CDH4: variants seen among roughly 807,000 people sequenced by gnomAD.
The protein encoded by CDH4 is cadherin 4.
A neutral mutation model predicts 86.0 loss-of-function variants in CDH4; 33 were observed. The observed-to-expected ratio is 0.38, with a 90% CI of 0.29 to 0.51. The LOEUF (loss-of-function observed/expected upper bound fraction) is 0.51, where lower values mean the gene tolerates loss of function less well. CDH4 is among the 20% of genes least tolerant of loss of function. CDH4 has a pLI of 0.86. For synonymous variants in CDH4, 555 were observed against 549.4 expected, an observed-to-expected ratio of 1.01 and a Z score of -0.14; for missense variants, 1,114 against 1,307.4, an observed-to-expected ratio of 0.85 and a Z score of 2.28.
At chr20:61,456,935 G>A (rs572952015) in intron 2 of CDH4, among the ~76,000 whole-genome samples, 24 of 152,156 alleles carry the variant, frequency 1.6e-4, no homozygotes, top group Admixed American at 6.5e-4. Context: ...ATTCACAATG[G>A]GGTAATAAAT....
At chr20:61,314,630 G>A (rs1831847132) in intron 2 of CDH4, among the ~76,000 whole-genome samples, 1 of 152,204 alleles carries the variant, frequency 6.6e-6, no homozygotes, top group South Asian at 2.1e-4. Context: ...CCTCTGGATA[G>A]ATGCCCAGAG....
intron 2 of CDH4, among the ~76,000 whole-genome samples, chr20:61,407,005 CGGACCACCATCTGCTCTGCCT>C (rs1568832997): frequency 6.8e-6 from 1 of 147,980 alleles, no homozygotes; most frequent in Non-Finnish European, 1.5e-5. Flanking sequence ...CTGCTCTGCC[CGGACCACCATCTGCTCTGCCT>C]GGACCACCAT....
chr20:61,640,099 T>C (rs953377503), intron 2 of CDH4, among the ~76,000 whole-genome samples: 1 of 152,188 alleles, frequency 6.6e-6, no homozygotes, highest in Non-Finnish European at 1.5e-5. Context: ...CTTCTGATGG[T>C]TAGTGGTATA....
chr20:61,910,295 C>T (rs900769232), intron 8 of CDH4, 127 bp from the exon 9 acceptor site: 4 of 784,156 alleles, frequency 5.1e-6, no homozygotes, highest in Admixed American at 2.2e-5. Flanking sequence ...TGTGAACACT[C>T]GAGCTGGGCT....
intron 2 of CDH4, among the ~76,000 whole-genome samples, chr20:61,629,980 G>T (rs925166906): frequency 9.2e-5 from 14 of 152,188 alleles, no homozygotes; most frequent in Non-Finnish European, 2.1e-4. Flanking sequence ...TGACTGCCTT[G>T]TCCCAGCTTT....
At chr20:61,394,082 A>G (rs920522094) in intron 2 of CDH4, among the ~76,000 whole-genome samples, 2 of 152,144 alleles carry the variant, frequency 1.3e-5, no homozygotes, top group Non-Finnish European at 2.9e-5. Context: ...GAAATGTGAG[A>G]GCAGGAAGGA....
chr20:61,448,694 C>T (rs374967153), intron 2 of CDH4, among the ~76,000 whole-genome samples: 17 of 152,236 alleles, frequency 1.1e-4, no homozygotes, highest in African/African-American at 3.9e-4. Flanking sequence ...CCTCCGAAAT[C>T]GTCACTGTGT....
chr20:61,827,565 A>T (rs1032272884), intron 4 of CDH4, among the ~76,000 whole-genome samples: 1 of 152,234 alleles, frequency 6.6e-6, no homozygotes, highest in Non-Finnish European at 1.5e-5. Flanking sequence ...CTCCTGATAT[A>T]TGACAACTTT....
At chr20:61,891,384 A>C (rs1021440049) in intron 7 of CDH4, among the ~76,000 whole-genome samples, 7 of 152,032 alleles carry the variant, frequency 4.6e-5, no homozygotes, top group African/African-American at 1.7e-4. Context: ...GCTGAGCCTC[A>C]CAGCCTCCCC....
chr20:61,710,760 C>T (rs2087881240), intron 2 of CDH4, among the ~76,000 whole-genome samples: 2 of 152,194 alleles, frequency 1.3e-5, no homozygotes, highest in African/African-American at 4.8e-5. Context: ...CTAAAGAGAC[C>T]AGATGCTCAC....
intron 2 of CDH4, among the ~76,000 whole-genome samples, chr20:61,631,749 C>G (rs564501005): frequency 1.9e-4 from 29 of 152,358 alleles, no homozygotes; most frequent in African/African-American, 7.0e-4. Flanking sequence ...ACCCTCTTGG[C>G]TGGCTTCTGC....
intron 2 of CDH4, among the ~76,000 whole-genome samples, chr20:61,627,073 AGGGT>A (rs1329381860): frequency 1.3e-5 from 2 of 151,630 alleles, no homozygotes; most frequent in Admixed American, 6.6e-5. Flanking sequence ...GTTTTGGAGG[AGGGT>A]GGGTGGGTGC....
At chr20:61,605,581 CT>C (rs1406015427) in intron 2 of CDH4, among the ~76,000 whole-genome samples, 1 of 151,746 alleles carries the variant, frequency 6.6e-6, no homozygotes, top group African/African-American at 2.4e-5. Flanking sequence ...CTGTCTCTGC[CT>C]CCCTGTCTCT....
intron 2 of CDH4, among the ~76,000 whole-genome samples, chr20:61,401,671 C>G (rs1033090224): frequency 6.6e-6 from 1 of 152,182 alleles, no homozygotes; most frequent in African/African-American, 2.4e-5. Flanking sequence ...CTGCCAGCCT[C>G]TTCTCATAAC....
chr20:61,671,411 G>A (rs1035745301), intron 2 of CDH4, among the ~76,000 whole-genome samples: 5 of 152,212 alleles, frequency 3.3e-5, no homozygotes, highest in African/African-American at 9.6e-5. Context: ...CAGGAGGATT[G>A]CTTGAGCCCA....
In CDH4 at chr20:61,392,742, A is replaced by G. The variant is rs2084993415; in HGVS notation, c.169+137805A>G. ...AAATTTGAACCTTGGACTGTTTCTC[A>G]CAGTATTCATCAGAAACTCGGTATT... On this transcript the variant is annotated intron_variant, in intron 2 of 15. Coordinates refer to ENST00000614565, the MANE Select transcript of CDH4 (RefSeq NM_001794.5). The surrounding 1 kb of genome is among the most constrained non-coding windows in gnomAD (Gnocchi z 5.7). Among the ~76,000 whole-genome samples the G allele has an allele frequency of 6.6e-6, 1 of 152,174 alleles. No homozygotes were observed. Among genetic ancestry groups the G allele is most frequent in the South Asian group, 2.1e-4 (1 of 4,822 alleles).
At chr20:61,298,046 G>T (rs1319721887) in intron 2 of CDH4, among the ~76,000 whole-genome samples, 1 of 152,232 alleles carries the variant, frequency 6.6e-6, no homozygotes, top group Non-Finnish European at 1.5e-5. Flanking sequence ...GAAGGCTTTG[G>T]CTATCACGAG....
rs1568737321 is a variant in CDH4, at chr20:61,656,302, TAGGCACGTGCTGAAGTGGGC to T, written c.170-87256_170-87237del. On this transcript the variant is annotated intron_variant, in intron 2 of 15. Transcript: ENST00000614565. ...GTGGGCAGGCGCGTGCTGGGGTGGG[TAGGCACGTGCTGAAGTGGGC>T]AGGCGCGTGCTGGGGTGGGTAGGCG... Among the ~76,000 whole-genome samples, 7 of 77,766 alleles carry T rather than the reference TAGGCACGTGCTGAAGTGGGC, an allele frequency of 9.0e-5. No homozygotes were observed. The East Asian group carries it at 1.3e-3, about 15-fold the overall frequency. The allele number at this position is 77,766 out of a possible 152,430, so 51.0% of individuals were successfully genotyped here. A position where few individuals can be genotyped will look rare whatever the true frequency, so the allele number is the denominator to read the frequency against.
Position 61,681,002 on chromosome 20 carries a change from A to T in CDH4, c.170-62561A>T, listed in dbSNP as rs2087506532. On this transcript the variant is annotated intron_variant, in intron 2 of 15. Transcript: ENST00000614565. This position sits in a 1 kb window ranked among gnomAD's most constrained non-coding sequence, Gnocchi z 4.5. Reference sequence around the variant, plus strand: ...ATTCCTATTTGTTCCCTCCCTTTCCACCCATTTCTTTGGGAAGACAAATAG... The same window carrying T: ...ATTCCTATTTGTTCCCTCCCTTTCCTCCCATTTCTTTGGGAAGACAAATAG... Among the ~76,000 whole-genome samples the T allele has an allele frequency of 6.6e-6, 1 of 152,074 alleles. No individual in the cohort carries two copies. The highest frequency in any genetic ancestry group is 1.5e-5 in the Non-Finnish European group (1 of 68,010).
Sources: gnomAD v4.1 joint callset for allele counts (sites outside exome capture counted in the v4.1 genomes callset) on GRCh38, gnomAD v4.1.1 for gene constraint, Gnocchi (gnomAD v3.1) non-coding constraint, MANE v1.5 for transcripts, NCBI Gene and HGNC (gene_info 2026-07-23, HGNC 2026-07-21) for gene names.